Variants in SFPQ observed in about 807,000 individuals in gnomAD.
SFPQ encodes the protein splicing factor, proline- and glutamine-rich.
SFPQ carries 11 observed loss-of-function variants against 72.9 expected under a neutral mutation model. That is an observed-to-expected ratio of 0.15 (90% confidence interval 0.09 to 0.25). The LOEUF (loss-of-function observed/expected upper bound fraction) is 0.25. Among genes scored for constraint, SFPQ ranks in the 10% least tolerant of loss-of-function variants. The pLI is 1.00. For synonymous variants in SFPQ, 506 were observed against 367.3 expected, an observed-to-expected ratio of 1.38 and a Z score of -4.32; for missense variants, 847 against 993.3, an observed-to-expected ratio of 0.85 and a Z score of 1.98.
Position 35,187,004 on chromosome 1 carries a change from G to T in SFPQ, c.1983C>A (p.Asp661Glu), listed in dbSNP as rs1335459693. ...ATMSGSMMGS[D>E]MRTERFGQGG... ...TACGTCCCACAGGATACATTACCAT[G>T]TCACTTCCCATCATGGAACCACTCA... The change falls in exon 9 of 10, where the codon GAC (aspartate) becomes GAA (glutamate). Residue 661 changes from aspartate (D) to glutamate (E), a missense_variant. This residue lies in a region of SFPQ where 154 missense variants were observed against 186.0 expected (regional missense o/e 0.83). Transcript: ENST00000357214. 1.2e-6 allele frequency: 2 copies of T among 1,613,468 alleles called. No homozygotes were observed. Among genetic ancestry groups the T allele is most frequent in the Non-Finnish European group, 1.7e-6 (2 of 1,179,506 alleles).
intron 8 of SFPQ, 37 bp downstream of exon 8, chr1:35,187,166 T>C (rs1639760516): frequency 3.1e-6 from 5 of 1,614,024 alleles, no homozygotes; most frequent in Non-Finnish European, 4.2e-6. Flanking sequence ...AGGATACTAC[T>C]CTCTACTTAT....
chr1:35,177,631 T>G (rs566949166), intron 4 of SFPQ: 6 of 154,370 alleles, frequency 3.9e-5, no homozygotes, highest in Admixed American at 3.3e-4. Context: ...CCACCATGCC[T>G]GACCTTCTCC....
chr1:35,192,147 A>C, intron 1 of SFPQ, 75 bp downstream of exon 1: 7 of 1,187,858 alleles, frequency 5.9e-6, no homozygotes, highest in Non-Finnish European at 7.5e-6. Context: ...ATGGAAGCCC[A>C]GCGCGGGGGC....
rs376105713 is a variant in SFPQ at position 35,192,463 on chromosome 1, G to A, written c.587C>T (p.Pro196Leu). ...PPPAAVPGPG[P>L]GPKQGPGPGG... ...CGGACCTGGGCCCTGCTTAGGCCCT[G>A]GACCCGGGCCCGGGACTGCCGCGGG... The change falls in exon 1 of 10, where the codon CCA becomes CTA. Residue 196 changes from proline to leucine, a missense_variant. Transcript: ENST00000357214. The A allele has an allele frequency of 1.5e-6, 2 of 1,355,006 alleles. No homozygotes were observed. The highest frequency in any genetic ancestry group is 4.0e-5 in the Admixed American group (1 of 24,822). 83.9% of individuals were successfully genotyped at this position (1,355,006 alleles called of 1,614,324 possible).
rs953917297 is a variant in SFPQ at position 35,192,653 on chromosome 1, G to A, written c.397C>T (p.Pro133Ser). The A allele has an allele frequency of 2.9e-6, 4 of 1,385,346 alleles. No homozygotes were observed. The East Asian group carries it at 1.2e-4, about 42-fold the overall frequency. 85.8% of individuals were successfully genotyped at this position (1,385,346 alleles called of 1,614,324 possible). Residue 133 changes from proline to serine, a missense_variant, in exon 1 of 10, where the codon CCC (proline) becomes TCC (serine). Pro to Ser is a moderately conservative substitution (Grantham distance 74). Transcript: ENST00000357214. Reference protein sequence around the residue: ...SAPPASSSAPPATPPTSGAPP... With the variant: ...SAPPASSSAPSATPPTSGAPP... ...GCCCCCGAGGTTGGTGGAGTGGCGG[G>A]CGGGGCCGAGCTGGAGGCTGGTGGT...
In SFPQ at chr1:35,184,293, T is replaced by A; in HGVS notation, c.*163A>T. ...AAATTCTCCTGTTCCAAACACTGCA[T>A]TACATAATTTTACCTGCCCAAACAG... On this transcript the variant is annotated 3_prime_UTR_variant, in exon 10 of 10. Coordinates refer to ENST00000357214, the MANE Select transcript of SFPQ (RefSeq NM_005066.3). The A allele has an allele frequency of 7.0e-7, 1 of 1,427,324 alleles. No homozygotes were observed. Among genetic ancestry groups the A allele is most frequent in the Non-Finnish European group, 9.1e-7 (1 of 1,099,292 alleles). 88.4% of individuals were successfully genotyped at this position (1,427,324 alleles called of 1,614,324 possible). A position where few individuals can be genotyped will look rare whatever the true frequency, so the allele number is the denominator to read the frequency against.
In SFPQ at chr1:35,183,795, C is replaced by G. The variant is rs1639582062; in HGVS notation, c.*661G>C. 9.5e-7 allele frequency: 1 copy of G among 1,055,174 alleles called. No homozygotes were observed. Among genetic ancestry groups the G allele is most frequent in the South Asian group, 4.6e-5 (1 of 21,870 alleles). 65.4% of individuals were successfully genotyped at this position (1,055,174 alleles called of 1,614,324 possible). A position where few individuals can be genotyped will look rare whatever the true frequency, so the allele number is the denominator to read the frequency against. ...ATTTAATCAAACCCACTTTCACCCC[C>G]TACCAATTGTCTTACACCCATTCCA... On this transcript the variant is annotated 3_prime_UTR_variant, in exon 10 of 10. Transcript: ENST00000357214.
At chr1:35,180,021 C>T, downstream of SFPQ, 1 of 1,052,706 alleles carries the variant, frequency 9.5e-7, no homozygotes, top group Non-Finnish European at 1.1e-6. Flanking sequence ...CAGTAGAGTC[C>T]AAAGTTGTTT....
At chr1:35,179,548 C>T, downstream of SFPQ, 1 of 1,054,102 alleles carries the variant, frequency 9.5e-7, no homozygotes, top group Non-Finnish European at 1.1e-6. Context: ...ACTGAAACCA[C>T]TTAATTCCCA....
downstream of SFPQ, chr1:35,180,868 T>C: frequency 3.0e-6 from 3 of 985,412 alleles, no homozygotes; most frequent in Non-Finnish European, 3.6e-6. Context: ...TCAGTTACAA[T>C]GCAACTAAAG....
chr1:35,178,109 T>C, downstream of SFPQ: 1 of 1,180,070 alleles, frequency 8.5e-7, no homozygotes. Context: ...GCTAGTCAAC[T>C]TCAAAATTTA....
chr1:35,178,075 G>C (rs1169805578), downstream of SFPQ: 1 of 1,247,532 alleles, frequency 8.0e-7, no homozygotes, highest in South Asian at 1.5e-5. Context: ...AAAAGACAAG[G>C]GTATAAAATA....
chr1:35,188,005 C>T lies in SFPQ; in HGVS notation c.1783G>A (p.Glu595Lys). 2 of 1,613,494 alleles carry T rather than the reference C, an allele frequency of 1.2e-6. No homozygotes were observed. The highest frequency in any genetic ancestry group is 2.2e-5 in the East Asian group (1 of 44,872). Residue 595 changes from glutamate (E) to lysine (K), a missense_variant, in exon 7 of 10, where the codon GAA becomes AAA. Coordinates refer to ENST00000357214, the MANE Select transcript of SFPQ (RefSeq NM_005066.3). ...ATGTAGCCCATTCGGCTGTAACTTT[C>T]CTCTCTTTGGCGCCTCATTTGTTCT... ...MEEQMRRQRE[E>K]SYSRMGYMDP...
rs752049477 is a variant in SFPQ, at chr1:35,184,539, T to C, written c.2041A>G (p.Arg681Gly). 3.1e-6 allele frequency: 5 copies of C among 1,612,950 alleles called. No individual in the cohort carries two copies. The stretch of plus-strand genomic sequence containing the variant: ...GCTGGAGTTCCAGGCCCCATTCCTC[T>C]AGGACCCTGTCCACCCACAGGCCCC... ...GAGPVGGQGPRGMGPGTPAGY... is the reference protein window; with the variant it reads ...GAGPVGGQGPGGMGPGTPAGY... The change falls in exon 10 of 10, where the codon AGA (arginine) becomes GGA (glycine). Residue 681 changes from arginine (R) to glycine (G), a missense_variant. By Grantham distance (125) the Arg-to-Gly change is moderately radical. This residue lies in a region of SFPQ where 154 missense variants were observed against 186.0 expected (regional missense o/e 0.83). Coordinates refer to ENST00000357214, the MANE Select transcript of SFPQ (RefSeq NM_005066.3).
chr1:35,182,014 T>C, downstream of SFPQ: 1 of 985,414 alleles, frequency 1.0e-6, no homozygotes, highest in Non-Finnish European at 1.2e-6. Context: ...AGATTATCCA[T>C]TAGCATCCTT....
At position 35,190,481 on chromosome 1, in the gene SFPQ, A is replaced by C; in HGVS notation, c.1415+17T>G. 1 of 1,556,306 alleles carries C rather than the reference A, an allele frequency of 6.4e-7. No homozygotes were observed. The highest frequency in any genetic ancestry group is 1.2e-5 in the South Asian group (1 of 86,244). On this transcript the variant is annotated intron_variant, in intron 4 of 9. Coordinates refer to ENST00000357214, the MANE Select transcript of SFPQ (RefSeq NM_005066.3). The stretch of plus-strand genomic sequence containing the variant: ...CACTTGATTTAAAAACTGCCAAAAA[A>C]GTTTAATCAATCTTACTTTTGATAC...
intron 1 of SFPQ, among the ~76,000 whole-genome samples, chr1:35,191,997 C>T (rs1640025028): frequency 1.3e-5 from 2 of 152,090 alleles, no homozygotes; most frequent in African/African-American, 4.8e-5. Flanking sequence ...CGCTTCCTTC[C>T]GAAAGGAAAC....
Position 35,192,355 on chromosome 1 carries a change from T to C in SFPQ, c.695A>G (p.Lys232Arg), listed in dbSNP as rs1385282236. ...PGLSTPGGHP[K>R]PPHRGGGEPR... The stretch of plus-strand genomic sequence containing the variant: ...CTCCCCGCCGCCTCGATGCGGCGGC[T>C]TGGGGTGGCCGCCAGGCGTACTTAG... The change falls in exon 1 of 10, where the codon AAG (lysine) becomes AGG (arginine). Residue 232 changes from lysine to arginine, a missense_variant. Coordinates refer to ENST00000357214, the MANE Select transcript of SFPQ (RefSeq NM_005066.3). 3 of 1,389,752 alleles carry C rather than the reference T, an allele frequency of 2.2e-6. No individual in the cohort carries two copies. Among genetic ancestry groups the C allele is most frequent in the Non-Finnish European group, 2.8e-6 (3 of 1,085,204 alleles). 86.1% of individuals were successfully genotyped at this position (1,389,752 alleles called of 1,614,324 possible).
downstream of SFPQ, chr1:35,179,094 A>G (rs1286558064): frequency 1.8e-5 from 19 of 1,057,460 alleles, no homozygotes; most frequent in Middle Eastern, 4.2e-4. Flanking sequence ...ACTAGCTGAC[A>G]TCACTAAAAC....
Sources: gnomAD v4.1 joint callset for allele counts (sites outside exome capture counted in the v4.1 genomes callset) on GRCh38, gnomAD v4.1.1 for gene constraint, gnomAD v4.1.1 regional missense constraint, MANE v1.5 for transcripts, NCBI Gene and HGNC (gene_info 2026-07-23, HGNC 2026-07-21) for gene names.